The following LPAR3 variants were observed in gnomAD, a reference collection of about 807,000 sequenced individuals.
LPAR3 encodes the protein LPA receptor 3.
Under a neutral mutation model 17.8 loss-of-function variants are expected in LPAR3, and 7 were observed. The ratio of observed to expected loss-of-function variants is 0.39; its 90% CI spans 0.22 to 0.74. The LOEUF is 0.74. Among genes scored for constraint, LPAR3 ranks in the 30% least tolerant of loss-of-function variants. The probability of loss-of-function intolerance (pLI) is 0.40; values close to 1 mark genes in which losing one functional copy is unlikely to be tolerated. For missense variants in LPAR3, 391 were observed against 453.4 expected (o/e 0.86, Z 1.25); for synonymous variants, 179 against 179.9 (o/e 0.99, Z 0.04).
intron 1 of LPAR3, among the ~76,000 whole-genome samples, chr1:84,881,839 C>T (rs1998720): frequency 0.2 from 30,971 of 151,972 alleles, 3,892 homozygotes; most frequent in Middle Eastern, 0.33. Context: ...GCAGGTGAGC[C>T]GAGTATTTAA....
At chr1:84,863,400 T>C (rs1053948286) in intron 2 of LPAR3, among the ~76,000 whole-genome samples, 10 of 152,208 alleles carry the variant, frequency 6.6e-5, no homozygotes, top group Non-Finnish European at 1.2e-4. Context: ...CACCTGGTCT[T>C]ACACCACCTC....
chr1:84,865,812 A>G lies in LPAR3; in HGVS notation c.309T>C (p.Phe103=), dbSNP rs201888089. 2.2e-5 allele frequency: 36 copies of G among 1,614,186 alleles called. No homozygotes were observed. The African/African-American group carries it at 4.7e-4, about 21-fold the overall frequency. Residue 103 remains phenylalanine, a synonymous_variant, in exon 2 of 3, where the codon TTT becomes TTC. Transcript: ENST00000370611. Reference sequence around the variant, plus strand: ...TACTGTCCAGAAGCCCCTGACGGAGAAACCAGCGGTTGACAGTCAAAGTTT... The same window carrying G: ...TACTGTCCAGAAGCCCCTGACGGAGGAACCAGCGGTTGACAGTCAAAGTTT... The part of the protein sequence containing the change: ...VSKTLTVNRW[F]LRQGLLDSSL...
At chr1:84,842,283 C>A (rs1659517987) in intron 2 of LPAR3, among the ~76,000 whole-genome samples, 1 of 152,198 alleles carries the variant, frequency 6.6e-6, no homozygotes, top group African/African-American at 2.4e-5. Flanking sequence ...GAAATTGAAA[C>A]ACACAGTTCC....
chr1:84,822,955 T>C (rs1439304267), intron 2 of LPAR3, among the ~76,000 whole-genome samples: 3 of 152,196 alleles, frequency 2.0e-5, no homozygotes, highest in African/African-American at 7.2e-5. Flanking sequence ...CAAGGGAGGA[T>C]ATATTTTAAA....
At chr1:84,862,632 A>T (rs1203494760) in intron 2 of LPAR3, among the ~76,000 whole-genome samples, 1 of 152,244 alleles carries the variant, frequency 6.6e-6, no homozygotes, top group Non-Finnish European at 1.5e-5. Context: ...TTATTTTAAC[A>T]ATCACACTCT....
chr1:84,822,855 T>C (rs1162512756), intron 2 of LPAR3, among the ~76,000 whole-genome samples: 1 of 152,190 alleles, frequency 6.6e-6, no homozygotes, highest in Non-Finnish European at 1.5e-5. Context: ...AACGTTGACA[T>C]ATGAGTGGCA....
At chr1:84,821,278 G>A (rs2102745379) in intron 2 of LPAR3, among the ~76,000 whole-genome samples, 1 of 151,934 alleles carries the variant, frequency 6.6e-6, no homozygotes, top group Non-Finnish European at 1.5e-5. Context: ...TAGCAGAATG[G>A]GCTCTCATCT....
chr1:84,855,422 A>G (rs191987922), intron 2 of LPAR3, among the ~76,000 whole-genome samples: 2 of 152,242 alleles, frequency 1.3e-5, no homozygotes, highest in East Asian at 3.9e-4. Context: ...ACCTTCCAGG[A>G]GGCTGGGTGT....
At chr1:84,851,629 G>A (rs1010927936) in intron 2 of LPAR3, among the ~76,000 whole-genome samples, 12 of 152,214 alleles carry the variant, frequency 7.9e-5, no homozygotes, top group African/African-American at 2.7e-4. Flanking sequence ...ATATCATAGA[G>A]AAGGCAGACT....
intron 2 of LPAR3, among the ~76,000 whole-genome samples, chr1:84,831,845 T>TATAA (rs1553147091): frequency 2.6e-4 from 38 of 148,580 alleles, no homozygotes; most frequent in Admixed American, 1.8e-3. Context: ...TATATATATA[T>TATAA]AATATACATA....
chr1:84,814,175 C>T lies in LPAR3; in HGVS notation c.737-4G>A, dbSNP rs1241074754. 6.2e-7 allele frequency: 1 copy of T among 1,612,352 alleles called. No individual in the cohort carries two copies. Among genetic ancestry groups the T allele is most frequent in the East Asian group, 2.2e-5 (1 of 44,868 alleles). On this transcript the variant is annotated splice_region_variant and splice_polypyrimidine_tract_variant and intron_variant, in intron 2 of 2. Coordinates refer to ENST00000370611, the MANE Select transcript of LPAR3 (RefSeq NM_012152.3). The stretch of plus-strand genomic sequence containing the variant: ...GTCCAGCATACCACAAACGCCCCTG[C>T]AAGGAGAGAAGAGGAGGCAACAGAT...
At chr1:84,838,273 G>C (rs1217372151) in intron 2 of LPAR3, among the ~76,000 whole-genome samples, 1 of 152,160 alleles carries the variant, frequency 6.6e-6, no homozygotes, top group African/African-American at 2.4e-5. Context: ...AACTGTGCCA[G>C]CCAGCATTGA....
chr1:84,814,181 G>A lies in LPAR3; in HGVS notation c.737-10C>T, dbSNP rs1327067267. The A allele has an allele frequency of 1.2e-6, 2 of 1,610,496 alleles. No individual in the cohort carries two copies. Among genetic ancestry groups the A allele is most frequent in the Admixed American group, 1.7e-5 (1 of 59,968 alleles). On this transcript the variant is annotated splice_polypyrimidine_tract_variant and intron_variant, in intron 2 of 2. Transcript: ENST00000370611. ...CATACCACAAACGCCCCTGCAAGGA[G>A]AGAAGAGGAGGCAACAGATGCTCAG...
At chr1:84,865,236 G>A in intron 2 of LPAR3, 149 bp downstream of exon 2, 1 of 739,012 alleles carries the variant, frequency 1.4e-6, no homozygotes. Context: ...CCTTATTAGA[G>A]TGTAAGCTCC....
chr1:84,816,890 G>A (rs1339227674), intron 2 of LPAR3, among the ~76,000 whole-genome samples: 4 of 152,196 alleles, frequency 2.6e-5, no homozygotes, highest in Non-Finnish European at 4.4e-5. Context: ...TCTTCCATTT[G>A]TTTTGTGTGA....
chr1:84,863,057 C>CT (rs201439247), intron 2 of LPAR3, among the ~76,000 whole-genome samples: 4 of 151,620 alleles, frequency 2.6e-5, no homozygotes, highest in Non-Finnish European at 4.4e-5. Context: ...CCTTTCTCTC[C>CT]TCCCTTTTTT....
intron 1 of LPAR3, among the ~76,000 whole-genome samples, chr1:84,887,351 T>C (rs1433603085): frequency 6.7e-6 from 1 of 149,928 alleles, no homozygotes; most frequent in African/African-American, 2.5e-5. Context: ...CACTCCAGCA[T>C]GGCAACAGAG....
intron 2 of LPAR3, among the ~76,000 whole-genome samples, chr1:84,862,140 A>G (rs1397493038): frequency 6.6e-6 from 1 of 152,238 alleles, no homozygotes; most frequent in East Asian, 1.9e-4. Flanking sequence ...GATTATGCCT[A>G]CAAGTTAAGC....
intron 1 of LPAR3, among the ~76,000 whole-genome samples, chr1:84,887,918 A>C (rs192356223): frequency 6.6e-6 from 1 of 152,282 alleles, no homozygotes; most frequent in East Asian, 1.9e-4. Context: ...TAGAAGAGAC[A>C]TTTGGGGGAT....
Sources: gnomAD v4.1 joint callset for allele counts (sites outside exome capture counted in the v4.1 genomes callset) on GRCh38, gnomAD v4.1.1 for gene constraint, MANE v1.5 for transcripts, NCBI Gene and HGNC (gene_info 2026-07-23, HGNC 2026-07-21) for gene names.